SRBD1: variants seen among roughly 807,000 people sequenced by gnomAD.
The protein encoded by SRBD1 is S1 RNA binding domain 1, also known as S1 RNA-binding domain-containing protein 1.
A neutral mutation model predicts 115.3 loss-of-function variants in SRBD1; 88 were observed. The observed-to-expected ratio is 0.76, with a 90% CI of 0.64 to 0.91. The LOEUF is 0.91. SRBD1 is among the 40% of genes least tolerant of loss of function. The pLI, the probability that SRBD1 is intolerant of heterozygous loss-of-function variation, is 0.00. For synonymous variants in SRBD1, 509 were observed against 407.7 expected (o/e 1.25, Z -2.99); for missense variants, 1,385 against 1,177.4 (o/e 1.18, Z -2.58).
At chr2:45,499,085 A>G (rs961503568) in intron 14 of SRBD1, among the ~76,000 whole-genome samples, 5 of 152,174 alleles carry the variant, frequency 3.3e-5, no homozygotes, top group African/African-American at 1.2e-4. Flanking sequence ...AATTTTCCAC[A>G]ATGGCTATAC....
chr2:45,533,396 T>G (rs1671672610), intron 14 of SRBD1, among the ~76,000 whole-genome samples: 2 of 152,050 alleles, frequency 1.3e-5, no homozygotes, highest in Non-Finnish European at 2.9e-5. Context: ...AACCCTAATA[T>G]GGTTCCTAAC....
chr2:45,598,860 A>G (rs1175791632), intron 4 of SRBD1, among the ~76,000 whole-genome samples: 1 of 152,146 alleles, frequency 6.6e-6, no homozygotes, highest in Admixed American at 6.5e-5. Context: ...TGGTCCCAGA[A>G]TGTGCTGGGA....
At chr2:45,570,318 G>C (rs1476011778) in intron 9 of SRBD1, among the ~76,000 whole-genome samples, 1 of 152,208 alleles carries the variant, frequency 6.6e-6, no homozygotes, top group Non-Finnish European at 1.5e-5. Context: ...AGTAGGGAGA[G>C]TGGGGTCAAT....
At chr2:45,538,475 T>C (rs1257358371) in intron 14 of SRBD1, among the ~76,000 whole-genome samples, 1 of 152,242 alleles carries the variant, frequency 6.6e-6, no homozygotes, top group East Asian at 1.9e-4. Flanking sequence ...TGAAGTAGCA[T>C]CTTCCAGAGT....
intron 2 of SRBD1, among the ~76,000 whole-genome samples, chr2:45,602,817 G>GAT (rs1374100988): frequency 6.6e-6 from 1 of 152,158 alleles, no homozygotes; most frequent in Non-Finnish European, 1.5e-5. Context: ...CCTTTACTGA[G>GAT]ATGAGTGAAT....
At position 45,573,213 on chromosome 2, in the gene SRBD1, A is replaced by G; in HGVS notation, c.1299T>C (p.His433=). 1.2e-6 allele frequency: 2 copies of G among 1,605,850 alleles called. No individual in the cohort carries two copies. The highest frequency in any genetic ancestry group is 8.5e-7 in the Non-Finnish European group (1 of 1,177,222). Reference sequence around the variant, plus strand: ...ATGCAGTTTCTTTATTTACCTGATGATGGTGAATGTTTCTTATGTTGCAGG... The same window carrying G: ...ATGCAGTTTCTTTATTTACCTGATGGTGGTGAATGTTTCTTATGTTGCAGG... ...HFSCNIRNIH[H]HQILAINRGE... Residue 433 remains histidine (H), a synonymous_variant, in exon 9 of 21, where the codon CAT becomes CAC. Coordinates refer to ENST00000263736, the MANE Select transcript of SRBD1 (RefSeq NM_018079.5).
At chr2:45,494,751 G>A (rs1454485716) in intron 14 of SRBD1, among the ~76,000 whole-genome samples, 1 of 152,136 alleles carries the variant, frequency 6.6e-6, no homozygotes, top group African/African-American at 2.4e-5. Context: ...AGTATGCCAG[G>A]AAAGTAGCAT....
At chr2:45,552,209 G>A (rs1672323402) in intron 11 of SRBD1, among the ~76,000 whole-genome samples, 2 of 152,134 alleles carry the variant, frequency 1.3e-5, no homozygotes, top group Non-Finnish European at 2.9e-5. Flanking sequence ...AAATAAAATG[G>A]TCTAAAAAAC....
intron 12 of SRBD1, among the ~76,000 whole-genome samples, chr2:45,548,430 T>G (rs1428451289): frequency 6.6e-6 from 1 of 151,956 alleles, no homozygotes; most frequent in Non-Finnish European, 1.5e-5. Context: ...TTAAAAGATA[T>G]CTACCATTAT....
intron 9 of SRBD1, among the ~76,000 whole-genome samples, chr2:45,566,406 T>C (rs1672832520): frequency 2.0e-5 from 3 of 152,164 alleles, no homozygotes; most frequent in Admixed American, 2.0e-4. Context: ...ATACATACCA[T>C]AACAGACAAA....
At chr2:45,400,435 ACTC>A (rs1301487181) in intron 19 of SRBD1, among the ~76,000 whole-genome samples, 2 of 151,970 alleles carry the variant, frequency 1.3e-5, no homozygotes, top group African/African-American at 4.8e-5. Context: ...ACTCCCTCAC[ACTC>A]CTCCTTCATT....
intron 7 of SRBD1, among the ~76,000 whole-genome samples, chr2:45,575,042 C>G (rs999522850): frequency 5.9e-5 from 9 of 152,138 alleles, no homozygotes; most frequent in African/African-American, 1.9e-4. Context: ...TCCTCTGTAC[C>G]TCAGTTTCCT....
chr2:45,550,347 T>A (rs1672257497), intron 12 of SRBD1, among the ~76,000 whole-genome samples: 1 of 151,982 alleles, frequency 6.6e-6, no homozygotes. Context: ...AACCCATACA[T>A]ACACACCCAC....
intron 14 of SRBD1, among the ~76,000 whole-genome samples, chr2:45,518,082 C>T (rs1671174583): frequency 6.6e-6 from 1 of 151,856 alleles, no homozygotes; most frequent in Non-Finnish European, 1.5e-5. Context: ...CTTTTTTTCC[C>T]CTTAAAGTTA....
intron 16 of SRBD1, among the ~76,000 whole-genome samples, chr2:45,438,082 T>C (rs1429103801): frequency 6.6e-6 from 1 of 152,166 alleles, no homozygotes; most frequent in Non-Finnish European, 1.5e-5. Flanking sequence ...GTGCAGAATG[T>C]TGAGACTGGA....
intron 14 of SRBD1, among the ~76,000 whole-genome samples, chr2:45,522,668 T>G (rs373192214): frequency 6.6e-6 from 1 of 152,306 alleles, no homozygotes; most frequent in East Asian, 1.9e-4. Context: ...CTCCTCTTCC[T>G]TTTTCTCTTC....
intron 10 of SRBD1, among the ~76,000 whole-genome samples, chr2:45,558,616 A>G (rs1463747622): frequency 6.6e-6 from 1 of 151,716 alleles, no homozygotes. Context: ...GCCCTATTAC[A>G]TAGTTCTTAA....
intron 14 of SRBD1, among the ~76,000 whole-genome samples, chr2:45,529,301 T>G (rs1459589564): frequency 1.3e-5 from 2 of 151,762 alleles, no homozygotes; most frequent in Non-Finnish European, 2.9e-5. Flanking sequence ...ACTAAGAAAA[T>G]GTAGTCAGAA....
At chr2:45,468,173 T>G (rs1042618359) in intron 16 of SRBD1, among the ~76,000 whole-genome samples, 10 of 152,094 alleles carry the variant, frequency 6.6e-5, no homozygotes, top group Non-Finnish European at 8.8e-5. Flanking sequence ...AAATTTTATA[T>G]CAGCCCTATA....
Sources: allele counts gnomAD v4.1 joint callset (sites outside exome capture counted in the v4.1 genomes callset), GRCh38; gene constraint gnomAD v4.1.1; transcripts MANE v1.5; gene names NCBI Gene and HGNC (gene_info 2026-07-23, HGNC 2026-07-21).